HOOK2: variants seen among roughly 807,000 people sequenced by gnomAD.
The protein encoded by HOOK2 is hook microtubule tethering protein 2.
In HOOK2, 108 loss-of-function variants were observed where a neutral mutation model predicts 111.9. That is an observed-to-expected ratio of 0.96 (90% CI 0.83 to 1.13). The LOEUF (loss-of-function observed/expected upper bound fraction) is 1.13. Ranked by LOEUF, HOOK2 falls within the 50% of genes most tolerant of loss-of-function variation. The pLI, the probability that HOOK2 is intolerant of heterozygous loss-of-function variation, is 0.00. For missense variants in HOOK2, 978 were observed against 951.3 expected, an observed-to-expected ratio of 1.03 and a Z score of -0.37; for synonymous variants, 405 against 394.3, an observed-to-expected ratio of 1.03 and a Z score of -0.32.
Position 12,786,115 on chromosome 19 carries a change from G to A in HOOK2, n.42-11890C>T, listed in dbSNP as rs1968653742. The stretch of plus-strand genomic sequence containing the variant: ...GAAAACCTAGCAGCTTCCTCTCCAG[G>A]AGAGGGGGCAAAGGACCCCCAAACC... On this transcript the variant is annotated intron_variant and non_coding_transcript_variant, in intron 3 of 3. Coordinates refer to the HOOK2 transcript ENST00000589765. This position sits in a 1 kb window ranked among gnomAD's most constrained non-coding sequence, Gnocchi z 4.3. 6.6e-6 allele frequency among the ~76,000 whole-genome samples: 1 copy of A among 152,210 alleles called. No individual in the cohort carries two copies.
chr19:12,792,027 G>A (rs1260381083), intron 3 of HOOK2: 10 of 1,611,372 alleles, frequency 6.2e-6, no homozygotes, highest in Non-Finnish European at 8.5e-6. Flanking sequence ...CGCCTCTTCG[G>A]AGCTGGAACG....
At chr19:12,788,993 TC>T (rs1275263173) in intron 3 of HOOK2, among the ~76,000 whole-genome samples, 2 of 151,556 alleles carry the variant, frequency 1.3e-5, no homozygotes, top group African/African-American at 4.8e-5. Context: ...CTGCTGGACT[TC>T]CCCCTGCCCC....
intron 3 of HOOK2, among the ~76,000 whole-genome samples, chr19:12,788,089 C>CA (rs1568380630): frequency 6.6e-6 from 1 of 152,074 alleles, no homozygotes; most frequent in South Asian, 2.1e-4. Flanking sequence ...AACAAAACAC[C>CA]AAAAAAAGAG....
intron 13 of HOOK2, 129 bp downstream of exon 13, chr19:12,767,687 C>A: frequency 2.2e-6 from 2 of 925,692 alleles, no homozygotes; most frequent in South Asian, 1.6e-5. Flanking sequence ...TTGACCGTGT[C>A]ACCTCTTTCT....
At chr19:12,766,470 C>G (rs1167978949) in intron 14 of HOOK2, 1 of 508,596 alleles carries the variant, frequency 2.0e-6, no homozygotes, top group Non-Finnish European at 3.4e-6. Flanking sequence ...GGCGGAGCTA[C>G]AAGAGTGGAT....
At position 12,775,505 on chromosome 19, in the gene HOOK2, G is replaced by T; in HGVS notation, c.-56C>A. On this transcript the variant is annotated 5_prime_UTR_variant, in exon 1 of 23. Coordinates refer to ENST00000397668, the MANE Select transcript of HOOK2 (RefSeq NM_013312.3). Reference sequence around the variant, plus strand: ...GAGCCCCGGCGCCGCAGCAGCCTCCGGGTCCGCCACCAGCGAGCGCCCGCA... The same window carrying T: ...GAGCCCCGGCGCCGCAGCAGCCTCCTGGTCCGCCACCAGCGAGCGCCCGCA... 1 of 1,573,602 alleles carries T rather than the reference G, an allele frequency of 6.4e-7. No homozygotes were observed.
Position 12,764,597 on chromosome 19 carries a change from G to C in HOOK2, c.1827+217C>G, listed in dbSNP as rs1968094857. On this transcript the variant is annotated intron_variant, in intron 20 of 22. Transcript: ENST00000397668. The stretch of plus-strand genomic sequence containing the variant: ...CCTGCCTTGACCTCCCAAAGTGCTG[G>C]GATTACAGCCATGAGCCACGGCACC... 1.4e-5 allele frequency: 8 copies of C among 577,460 alleles called. No homozygotes were observed. The East Asian group carries it at 2.3e-4, about 17-fold the overall frequency. 35.8% of individuals were successfully genotyped at this position (577,460 alleles called of 1,614,324 possible).
chr19:12,792,257 CG>C (rs1568381946), intron 3 of HOOK2: 9 of 1,499,168 alleles, frequency 6.0e-6, no homozygotes, highest in African/African-American at 1.4e-5. Flanking sequence ...TGGGCGCTAC[CG>C]GGGGGCCCCC....
intron 10 of HOOK2, among the ~76,000 whole-genome samples, chr19:12,770,469 G>A (rs1322583906): frequency 6.6e-6 from 1 of 151,802 alleles, no homozygotes; most frequent in Admixed American, 6.6e-5. Flanking sequence ...TAGTACCTTC[G>A]CATTACAGAG....
Position 12,763,297 on chromosome 19 carries a change from G to A in HOOK2, c.2145C>T (p.Pro715=). Residue 715 remains proline (P), a synonymous_variant, in exon 23 of 23, where the codon CCC becomes CCT. Transcript: ENST00000397668. ...GTGAGGTCTGTCAGTGCTTGTCAGT[G>A]GGGCGAAGGTTCAGAGATGCCAGGC... The part of the protein sequence containing the change: ...LGRLASLNLR[P]TDKH 6.2e-7 allele frequency: 1 copy of A among 1,613,668 alleles called. No individual in the cohort carries two copies. Among genetic ancestry groups the A allele is most frequent in the African/African-American group, 1.3e-5 (1 of 75,050 alleles).
intron 11 of HOOK2, 150 bp downstream of exon 11, chr19:12,769,731 G>A: frequency 1.7e-6 from 1 of 593,078 alleles, no homozygotes; most frequent in Non-Finnish European, 2.7e-6. Flanking sequence ...AACCCAGACA[G>A]AAGAGCAGCG....
chr19:12,782,389 G>C (rs1267169479), upstream of HOOK2, among the ~76,000 whole-genome samples: 9 of 152,258 alleles, frequency 5.9e-5, no homozygotes, highest in Non-Finnish European at 1.3e-4. Flanking sequence ...GGGTCGGGGA[G>C]TTTGTTTGTG....
At chr19:12,765,466 G>A in intron 18 of HOOK2, 1 of 620,784 alleles carries the variant, frequency 1.6e-6, no homozygotes, top group Non-Finnish European at 2.8e-6. Flanking sequence ...AAAGAAAGCA[G>A]GCCAGGCGCG....
intron 3 of HOOK2, among the ~76,000 whole-genome samples, chr19:12,783,960 G>A (rs1456881430): frequency 2.6e-5 from 4 of 152,012 alleles, no homozygotes; most frequent in South Asian, 2.1e-4. Context: ...AACCTGTTGG[G>A]CCCGTCACCT....
At position 12,769,914 on chromosome 19, in the gene HOOK2, G is replaced by C; in HGVS notation, c.1071C>G (p.Ser357=). The C allele has an allele frequency of 6.6e-7, 1 of 1,524,624 alleles. No individual in the cohort carries two copies. 94.4% of individuals were successfully genotyped at this position (1,524,624 alleles called of 1,614,324 possible). A position where few individuals can be genotyped will look rare whatever the true frequency, so the allele number is the denominator to read the frequency against. The change falls in exon 11 of 23, where the codon TCC becomes TCG. Residue 357 remains serine, a synonymous_variant. Transcript: ENST00000397668. ...QLEDELRRAG[S]LRAQLEAQRR... ...GCTGCGCCTCCAGCTGGGCGCGCAG[G>C]GAGCCCGCTCGGCGTAGCTCATCCT... is the stretch of plus-strand genomic sequence containing the variant.
chr19:12,778,270 C>A (rs1245496564), upstream of HOOK2: 1 of 152,222 alleles, frequency 6.6e-6, no homozygotes, highest in Admixed American at 6.5e-5. Context: ...AGCTGCTCCC[C>A]GCGCGCATCG....
chr19:12,789,704 G>A (rs915314989), intron 3 of HOOK2, among the ~76,000 whole-genome samples: 2 of 151,390 alleles, frequency 1.3e-5, no homozygotes, highest in South Asian at 4.1e-4. Context: ...ACCCAGGCCC[G>A]CGGGCAGGCG....
At position 12,787,208 on chromosome 19, in the gene HOOK2, C is replaced by G. The variant is rs149280286; in HGVS notation, n.42-12983G>C. The G allele has an allele frequency of 5.3e-4, 81 of 152,534 alleles. No homozygotes were observed. In the Middle Eastern group the frequency reaches 0.043, roughly 82 times the overall value. 9.4% of individuals were successfully genotyped at this position (152,534 alleles called of 1,614,324 possible). A position where few individuals can be genotyped will look rare whatever the true frequency, so the allele number is the denominator to read the frequency against. On this transcript the variant is annotated intron_variant and non_coding_transcript_variant, in intron 3 of 3. Coordinates refer to the HOOK2 transcript ENST00000589765. ...GGAGTCCAGTGTCAAGATCATGGCT[C>G]ATGTGATCCTCCTGCCTCAGCCTTC...
chr19:12,774,569 T>A, intron 3 of HOOK2, 100 bp downstream of exon 3: 1 of 1,090,640 alleles, frequency 9.2e-7, no homozygotes, highest in Non-Finnish European at 1.4e-6. Context: ...ACCAGACATC[T>A]GTCCCTCTTC....
Sources: gnomAD v4.1 joint callset for allele counts (sites outside exome capture counted in the v4.1 genomes callset) on GRCh38, gnomAD v4.1.1 for gene constraint, Gnocchi (gnomAD v3.1) non-coding constraint, MANE v1.5 for transcripts, NCBI Gene and HGNC (gene_info 2026-07-23, HGNC 2026-07-21) for gene names.